The following AFG3L2 variants were observed in gnomAD, a reference collection of about 807,000 sequenced individuals.
AFG3L2 encodes the protein mitochondrial inner membrane m-AAA protease component AFG3L2.
Under a neutral mutation model 94.5 loss-of-function variants are expected in AFG3L2, and 54 were observed. That is an observed-to-expected ratio of 0.57 (90% CI 0.46 to 0.72). The LOEUF is 0.72. Among genes scored for constraint, AFG3L2 ranks in the 30% least tolerant of loss-of-function variants. AFG3L2 has a pLI of 0.00. For missense variants in AFG3L2, 754 were observed against 994.9 expected (o/e 0.76, Z 3.26); for synonymous variants, 377 against 365.5 (o/e 1.03, Z -0.36).
intron 13 of AFG3L2, among the ~76,000 whole-genome samples, chr18:12,345,019 A>C (rs887273320): frequency 8.5e-5 from 13 of 152,252 alleles, no homozygotes; most frequent in African/African-American, 3.1e-4. Context: ...GCCATAAGAC[A>C]CTACCTGCTG....
At chr18:12,374,669 A>C (rs1909088427) in intron 1 of AFG3L2, among the ~76,000 whole-genome samples, 1 of 152,216 alleles carries the variant, frequency 6.6e-6, no homozygotes, top group South Asian at 2.1e-4. Flanking sequence ...TCAAAAGGAA[A>C]GCCTTTGGGT....
At position 12,344,199 on chromosome 18, in the gene AFG3L2, A is replaced by C. The variant is rs753148089; in HGVS notation, c.1712T>G (p.Val571Gly). The change falls in exon 14 of 17, where the codon GTG becomes GGG. Residue 571 changes from valine (V) to glycine (G), a missense_variant. By Grantham distance (109) the Val-to-Gly change is moderately radical (BLOSUM62 -3). Transcript: ENST00000269143. ...QVLQPEEKKTVAYHEAGHAVA... is the reference protein window; with the variant it reads ...QVLQPEEKKTGAYHEAGHAVA... ...CGCATGGCCTGCTTCGTGGTATGCCACAGTCTTCTTCTCCTCAGGCTGCAG... is the reference window on the plus strand; with the variant it reads ...CGCATGGCCTGCTTCGTGGTATGCCCCAGTCTTCTTCTCCTCAGGCTGCAG... 6.2e-7 allele frequency: 1 copy of C among 1,614,200 alleles called. No homozygotes were observed. Among genetic ancestry groups the C allele is most frequent in the Non-Finnish European group, 8.5e-7 (1 of 1,180,036 alleles).
At chr18:12,357,803 T>C (rs1362897823) in intron 8 of AFG3L2, among the ~76,000 whole-genome samples, 2 of 152,144 alleles carry the variant, frequency 1.3e-5, no homozygotes, top group Non-Finnish European at 2.9e-5. Context: ...TTCACCATGT[T>C]GGCCAGGCTG....
At chr18:12,372,189 A>G (rs1171150661) in intron 1 of AFG3L2, among the ~76,000 whole-genome samples, 1 of 152,138 alleles carries the variant, frequency 6.6e-6, no homozygotes, top group Admixed American at 6.5e-5. Flanking sequence ...CTGTAATCCT[A>G]GCTACTCGGG....
chr18:12,338,150 C>A (rs1048472181), intron 15 of AFG3L2, among the ~76,000 whole-genome samples: 1 of 152,146 alleles, frequency 6.6e-6, no homozygotes, highest in Non-Finnish European at 1.5e-5. Flanking sequence ...TAGCTCACTG[C>A]AGCTTTGACC....
intron 16 of AFG3L2, among the ~76,000 whole-genome samples, chr18:12,331,780 G>A (rs1464781814): frequency 1.4e-5 from 2 of 146,706 alleles, no homozygotes; most frequent in African/African-American, 2.6e-5. Flanking sequence ...GGCAACAGAG[G>A]GAGAGTCTGT....
chr18:12,330,842 C>T (rs1405625096), intron 16 of AFG3L2, among the ~76,000 whole-genome samples: 2 of 151,958 alleles, frequency 1.3e-5, no homozygotes, highest in African/African-American at 2.4e-5. Flanking sequence ...TACCCAGAAC[C>T]CATCCATACA....
At chr18:12,363,984 C>G in intron 5 of AFG3L2, 128 bp from the exon 6 acceptor site, 1 of 738,544 alleles carries the variant, frequency 1.4e-6, no homozygotes, top group South Asian at 1.5e-5. Flanking sequence ...GATAAAGATG[C>G]CCCCATGTTC....
At chr18:12,333,134 A>AAT (rs1379077366) in intron 16 of AFG3L2, among the ~76,000 whole-genome samples, 3 of 88,032 alleles carry the variant, frequency 3.4e-5, no homozygotes, top group Non-Finnish European at 6.1e-5. Flanking sequence ...TTATATATAT[A>AAT]ATATATATAA....
chr18:12,329,813 A>G, intron 16 of AFG3L2, 30 bp from the exon 17 acceptor site: 3 of 1,564,192 alleles, frequency 1.9e-6, no homozygotes, highest in Non-Finnish European at 2.6e-6. Context: ...CATTAAATAC[A>G]GTTACTCAGC....
At chr18:12,356,934 TGATA>T (rs1908515303) in intron 8 of AFG3L2, 103 bp from the exon 9 acceptor site, 1 of 1,139,706 alleles carries the variant, frequency 8.8e-7, no homozygotes, top group Admixed American at 2.1e-5. Context: ...TAAATCTTAT[TGATA>T]TATATTAAAT....
At chr18:12,335,583 C>T (rs12968566) in intron 16 of AFG3L2, among the ~76,000 whole-genome samples, 102,136 of 152,084 alleles carry the variant, frequency 0.67, 35,866 homozygotes, top group Non-Finnish European at 0.78. Context: ...CTTGACGAAA[C>T]AAACCTCTAA....
chr18:12,370,939 GA>G lies in AFG3L2; in HGVS notation c.215-14del, dbSNP rs1195588822. On this transcript the variant is annotated splice_polypyrimidine_tract_variant and intron_variant, in intron 2 of 16. Coordinates refer to ENST00000269143, the MANE Select transcript of AFG3L2 (RefSeq NM_006796.3). ...TATTTTTCAAATCCTGTTAGAAAAA[GA>G]AAAAAAATACTTATCTTCAAACTAA... is the stretch of plus-strand genomic sequence containing the variant. The G allele has an allele frequency of 2.3e-5, 33 of 1,435,112 alleles. No homozygotes were observed. Among genetic ancestry groups the G allele is most frequent in the Middle Eastern group, 1.9e-4 (1 of 5,150 alleles). 88.9% of individuals were successfully genotyped at this position (1,435,112 alleles called of 1,614,324 possible).
intron 3 of AFG3L2, among the ~76,000 whole-genome samples, chr18:12,369,275 A>G (rs1376974994): frequency 6.6e-6 from 1 of 152,060 alleles, no homozygotes; most frequent in African/African-American, 2.4e-5. Flanking sequence ...ACCACCTAGC[A>G]TGCACTGGGA....
rs2143172436 is a variant in AFG3L2, at chr18:12,353,222, T to C, written c.1165-64A>G. ...TATTATGTATTCTCTGAATAAGAAA[T>C]GAAATAAATCGGCCGGGCACAGTGG... is the stretch of plus-strand genomic sequence containing the variant. On this transcript the variant is annotated intron_variant, in intron 9 of 16. Transcript: ENST00000269143. The C allele has an allele frequency of 3.1e-6, 5 of 1,599,098 alleles. 1 individual carries two copies. The East Asian group carries it at 6.7e-5, about 22-fold the overall frequency.
intron 12 of AFG3L2, among the ~76,000 whole-genome samples, chr18:12,350,820 T>A (rs574160790): frequency 7.2e-5 from 11 of 152,266 alleles, no homozygotes; most frequent in African/African-American, 2.6e-4. Context: ...TGGTGGTACA[T>A]GCCTGTAGTC....
chr18:12,329,862 G>T (rs749173092), intron 16 of AFG3L2, 79 bp from the exon 17 acceptor site: 22 of 1,260,874 alleles, frequency 1.7e-5, no homozygotes, highest in African/African-American at 4.5e-5. Context: ...ATTTACAGGT[G>T]ACCCCATTCC....
intron 9 of AFG3L2, among the ~76,000 whole-genome samples, chr18:12,353,914 T>C (rs1424720589): frequency 6.6e-6 from 1 of 152,094 alleles, no homozygotes; most frequent in African/African-American, 2.4e-5. Flanking sequence ...ATCACACATA[T>C]ACAGTGAAGC....
chr18:12,362,658 G>GCC (rs1908695405), intron 6 of AFG3L2, among the ~76,000 whole-genome samples: 1 of 145,530 alleles, frequency 6.9e-6, no homozygotes, highest in East Asian at 1.9e-4. Context: ...GGACGGCACT[G>GCC]CCCCCAAGGA....
Sources: allele counts gnomAD v4.1 joint callset (sites outside exome capture counted in the v4.1 genomes callset), GRCh38; gene constraint gnomAD v4.1.1; transcripts MANE v1.5; gene names NCBI Gene and HGNC (gene_info 2026-07-23, HGNC 2026-07-21).